Variants in MPHOSPH8 observed in about 807,000 individuals in gnomAD.
MPHOSPH8 encodes M-phase phosphoprotein 8.
Under a neutral mutation model 87.3 loss-of-function variants are expected in MPHOSPH8, and 45 were observed. The observed-to-expected ratio is 0.52, with a 90% CI of 0.41 to 0.66. MPHOSPH8 has a LOEUF of 0.66. Among genes scored for constraint, MPHOSPH8 ranks in the 30% least tolerant of loss-of-function variants. MPHOSPH8 has a pLI of 0.00. For missense variants in MPHOSPH8, 883 were observed against 1,020.2 expected (o/e 0.87, Z 1.83); for synonymous variants, 366 against 376.9 (o/e 0.97, Z 0.33).
intron 9 of MPHOSPH8, among the ~76,000 whole-genome samples, chr13:19,666,034 G>A (rs553161075): frequency 6.6e-6 from 1 of 152,304 alleles, no homozygotes; most frequent in South Asian, 2.1e-4. Context: ...TCTGCGCCTC[G>A]CTGAGGGGCT....
rs538973021 is a variant in MPHOSPH8, at chr13:19,656,482, G to A, written c.1577-2513G>A. Among the ~76,000 whole-genome samples, 16 of 152,040 alleles carry A rather than the reference G, an allele frequency of 1.1e-4. No individual in the cohort carries two copies. In the East Asian group the frequency reaches 2.9e-3, roughly 28 times the overall value. ...TTTTAAAAGATACAGTTTTCAGGCCGGGCGCGGTGGCTCACACCTATAATC... is the reference window on the plus strand; with the variant it reads ...TTTTAAAAGATACAGTTTTCAGGCCAGGCGCGGTGGCTCACACCTATAATC... On this transcript the variant is annotated intron_variant, in intron 5 of 13. Coordinates refer to ENST00000361479, the MANE Select transcript of MPHOSPH8 (RefSeq NM_017520.4).
At chr13:19,671,805 C>G (rs1449442172) in intron 13 of MPHOSPH8, 29 bp from the exon 14 acceptor site, 8 of 1,611,796 alleles carry the variant, frequency 5.0e-6, no homozygotes, top group South Asian at 1.1e-5. Context: ...TGGATCTGTA[C>G]TGACACCTGC....
At chr13:19,648,584 C>A (rs1193298814) in intron 4 of MPHOSPH8, 63 bp downstream of exon 4, 4 of 712,162 alleles carry the variant, frequency 5.6e-6, no homozygotes, top group African/African-American at 1.9e-5. Context: ...TAACCAGTTA[C>A]CTAAATTTAT....
At chr13:19,636,808 CTG>C (rs1175161258) in intron 1 of MPHOSPH8, among the ~76,000 whole-genome samples, 1 of 152,098 alleles carries the variant, frequency 6.6e-6, no homozygotes, top group Admixed American at 6.5e-5. Context: ...AAATTTTAAA[CTG>C]TTGCTCTAGT....
At chr13:19,651,066 T>C (rs1381165393) in intron 5 of MPHOSPH8, among the ~76,000 whole-genome samples, 1 of 152,044 alleles carries the variant, frequency 6.6e-6, no homozygotes, top group African/African-American at 2.4e-5. Context: ...ACAGATACAG[T>C]AGGGGAACAT....
At chr13:19,654,561 TA>T (rs1205474636) in intron 5 of MPHOSPH8, among the ~76,000 whole-genome samples, 1 of 152,156 alleles carries the variant, frequency 6.6e-6, no homozygotes, top group Non-Finnish European at 1.5e-5. Context: ...CTACCAAACT[TA>T]TAAAAGTCGC....
At position 19,661,763 on chromosome 13, in the gene MPHOSPH8, C is replaced by A. The variant is rs138869630; in HGVS notation, c.1857C>A (p.Leu619=). The part of the protein sequence containing the change: ...AAGGQDDLLR[L]LITKGAKVNG... ...GAGGGCAGGACGACCTCCTGCGACTCCTCATCACAAAAGGCGCGAAAGTGA... is the reference window on the plus strand; with the variant it reads ...GAGGGCAGGACGACCTCCTGCGACTACTCATCACAAAAGGCGCGAAAGTGA... The change falls in exon 8 of 14, where the codon CTC becomes CTA. Residue 619 remains leucine (L), a synonymous_variant. Transcript: ENST00000361479. 3.1e-6 allele frequency: 5 copies of A among 1,613,082 alleles called. No individual in the cohort carries two copies. Among genetic ancestry groups the A allele is most frequent in the Non-Finnish European group, 2.5e-6 (3 of 1,179,558 alleles).
chr13:19,651,965 G>A (rs1171512169), intron 5 of MPHOSPH8, among the ~76,000 whole-genome samples: 1 of 152,032 alleles, frequency 6.6e-6, no homozygotes, highest in African/African-American at 2.4e-5. Flanking sequence ...CGCTGGGCAT[G>A]GTGGTGCGTG....
Position 19,646,971 on chromosome 13 carries a change from G to C in MPHOSPH8, c.898G>C (p.Ala300Pro). Residue 300 changes from alanine to proline, a missense_variant, in exon 3 of 14, where the codon GCA (alanine) becomes CCA (proline). Physicochemically the swap from Ala to Pro is conservative, Grantham distance 27. This residue lies in a region of MPHOSPH8 where 741 missense variants were observed against 841.5 expected (regional missense o/e 0.88). Transcript: ENST00000361479. Reference sequence around the variant, plus strand: ...AAACACTAAAAGTGCAAGAGAGAGAGCAGGGCAGGACATGGGGCTGGAGCA... The same window carrying C: ...AAACACTAAAAGTGCAAGAGAGAGACCAGGGCAGGACATGGGGCTGGAGCA... ...KQNTKSARER[A>P]GQDMGLEHGF... is the part of the protein sequence containing the mutation. The C allele has an allele frequency of 6.3e-7, 1 of 1,593,748 alleles. No individual in the cohort carries two copies. The highest frequency in any genetic ancestry group is 1.4e-5 in the African/African-American group (1 of 73,404).
chr13:19,672,877 T>C lies in MPHOSPH8; in HGVS notation c.*1002T>C. ...CGCTTTGGAGGCTGAGGTTGGAGGATTGCTTAAGTCCAGGAGTTCAAGACC... is the reference window on the plus strand; with the variant it reads ...CGCTTTGGAGGCTGAGGTTGGAGGACTGCTTAAGTCCAGGAGTTCAAGACC... On this transcript the variant is annotated 3_prime_UTR_variant, in exon 14 of 14. Transcript: ENST00000361479. The C allele has an allele frequency of 2.9e-6, 1 of 346,028 alleles. No individual in the cohort carries two copies. Among genetic ancestry groups the C allele is most frequent in the Non-Finnish European group, 5.6e-6 (1 of 177,190 alleles). The allele number at this position is 346,028 out of a possible 1,614,324, so 21.4% of individuals were successfully genotyped here. A position where few individuals can be genotyped will look rare whatever the true frequency, so the allele number is the denominator to read the frequency against.
At chr13:19,634,022 G>A (rs1300695829) in intron 1 of MPHOSPH8, 61 bp downstream of exon 1, 10 of 1,541,392 alleles carry the variant, frequency 6.5e-6, no homozygotes, top group Non-Finnish European at 8.8e-6. Flanking sequence ...CGGGGAGGAC[G>A]CGAGCTGGAA....
At chr13:19,648,950 A>G (rs2137514604) in intron 4 of MPHOSPH8, among the ~76,000 whole-genome samples, 1 of 152,342 alleles carries the variant, frequency 6.6e-6, no homozygotes, top group East Asian at 1.9e-4. Context: ...ATAAATATTT[A>G]GTTTCTGTAG....
intron 13 of MPHOSPH8, 32 bp downstream of exon 13, chr13:19,671,321 T>C (rs1381957395): frequency 6.4e-7 from 1 of 1,560,766 alleles, no homozygotes; most frequent in Middle Eastern, 1.7e-4. Flanking sequence ...TTAGTGTCAC[T>C]ACTCAAGTTG....
chr13:19,640,617 C>G (rs796089685), intron 1 of MPHOSPH8, among the ~76,000 whole-genome samples: 8 of 152,096 alleles, frequency 5.3e-5, no homozygotes, highest in East Asian at 3.9e-4. Context: ...GCGATCCTCC[C>G]ACTTCAGCCT....
chr13:19,671,021 A>T, intron 12 of MPHOSPH8, 185 bp from the exon 13 acceptor site: 1 of 1,336,858 alleles, frequency 7.5e-7, no homozygotes, highest in Non-Finnish European at 9.9e-7. Flanking sequence ...GGGTTTCACC[A>T]TGTTGGCCAG....
At chr13:19,644,791 A>G (rs958794902) in intron 2 of MPHOSPH8, among the ~76,000 whole-genome samples, 2 of 152,082 alleles carry the variant, frequency 1.3e-5, no homozygotes, top group Non-Finnish European at 2.9e-5. Flanking sequence ...GTGTTAATCC[A>G]TTGTTATCTG....
chr13:19,661,642 T>C (rs1025845209), intron 7 of MPHOSPH8, 56 bp from the exon 8 acceptor site: 3 of 1,510,708 alleles, frequency 2.0e-6, no homozygotes, highest in Non-Finnish European at 2.7e-6. Context: ...AAGACTTGGT[T>C]CTGAAATTGT....
At chr13:19,661,945 C>CTTTTTTTTTTTTTTT in intron 8 of MPHOSPH8, 107 bp downstream of exon 8, 1 of 936,212 alleles carries the variant, frequency 1.1e-6, no homozygotes, top group Non-Finnish European at 1.4e-6. Context: ...GGTCACATCG[C>CTTTTTTTTTTTTTTT]TTTTTTTTTT....
At chr13:19,656,277 CAAAAAAA>C (rs71198922) in intron 5 of MPHOSPH8, among the ~76,000 whole-genome samples, 8 of 72,258 alleles carry the variant, frequency 1.1e-4, no homozygotes, top group South Asian at 1.2e-3. Flanking sequence ...AGACTGTTGT[CAAAAAAA>C]AAAAAAAAAA....
Sources: allele counts gnomAD v4.1 joint callset (sites outside exome capture counted in the v4.1 genomes callset), GRCh38; gene constraint gnomAD v4.1.1; regional missense constraint gnomAD v4.1.1; transcripts MANE v1.5; gene names NCBI Gene and HGNC (gene_info 2026-07-23, HGNC 2026-07-21).